The following GPR158 variants were observed in gnomAD, a reference collection of about 807,000 sequenced individuals.
GPR158 encodes the protein metabotropic glycine receptor.
GPR158 carries 30 observed loss-of-function variants against 78.2 expected under a neutral mutation model. The observed-to-expected ratio is 0.38, with a 90% confidence interval of 0.29 to 0.52. The LOEUF is 0.52. GPR158 is among the 20% of genes least tolerant of loss of function. GPR158 has a pLI of 0.83. For synonymous variants in GPR158, 581 were observed against 591.1 expected, an observed-to-expected ratio of 0.98 and a Z score of 0.25; for missense variants, 1,463 against 1,523.5, an observed-to-expected ratio of 0.96 and a Z score of 0.66.
chr10:25,391,770 T>C (rs1834301547), intron 2 of GPR158, among the ~76,000 whole-genome samples: 2 of 152,144 alleles, frequency 1.3e-5, no homozygotes, highest in South Asian at 4.1e-4. Flanking sequence ...AGGCATGATT[T>C]GTTTTGAAAT....
intron 5 of GPR158, among the ~76,000 whole-genome samples, chr10:25,477,908 C>A (rs1215059106): frequency 6.6e-6 from 1 of 152,132 alleles, no homozygotes; most frequent in African/African-American, 2.4e-5. Context: ...TGCCAAGACA[C>A]TTTTTTCTCT....
chr10:25,387,595 A>G (rs1162028189), intron 2 of GPR158, among the ~76,000 whole-genome samples: 1 of 150,726 alleles, frequency 6.6e-6, no homozygotes, highest in Non-Finnish European at 1.5e-5. Flanking sequence ...GGCTCACTGC[A>G]ACCTCCGCCT....
chr10:25,384,596 A>G (rs1208743908), intron 2 of GPR158, among the ~76,000 whole-genome samples: 2 of 152,320 alleles, frequency 1.3e-5, no homozygotes, highest in Non-Finnish European at 2.9e-5. Context: ...GGAATTACAT[A>G]AACTTTATTT....
rs886301433 is a variant in GPR158 at position 25,536,230 on chromosome 10, A to G, written c.1405-14746A>G. ...AATATTTAATTCTTTAATATTAAAG[A>G]TATTAATTTCTTTATTAAAGAAAAT... On this transcript the variant is annotated intron_variant, in intron 5 of 10. Coordinates refer to ENST00000376351, the MANE Select transcript of GPR158 (RefSeq NM_020752.3). 2.0e-5 allele frequency among the ~76,000 whole-genome samples: 3 copies of G among 152,158 alleles called. No homozygotes were observed. In the East Asian group the frequency reaches 5.8e-4, roughly 29 times the overall value.
chr10:25,295,935 C>T (rs143957034), intron 2 of GPR158, among the ~76,000 whole-genome samples: 2 of 151,966 alleles, frequency 1.3e-5, no homozygotes, highest in African/African-American at 4.8e-5. Flanking sequence ...TAAGAAGTAA[C>T]GCCTTAGATC....
intron 2 of GPR158, among the ~76,000 whole-genome samples, chr10:25,349,975 T>C (rs1010361411): frequency 4.4e-4 from 67 of 152,026 alleles, no homozygotes; most frequent in African/African-American, 1.6e-3. Context: ...GAAATGTATC[T>C]GGTGTGCTTT....
intron 8 of GPR158, among the ~76,000 whole-genome samples, chr10:25,590,127 A>G (rs1371566371): frequency 6.6e-6 from 1 of 152,092 alleles, no homozygotes. Flanking sequence ...TAGGATGCCT[A>G]TCCTCTCTGA....
chr10:25,237,301 T>C (rs1853538374), intron 2 of GPR158, among the ~76,000 whole-genome samples: 1 of 152,186 alleles, frequency 6.6e-6, no homozygotes, highest in African/African-American at 2.4e-5. Flanking sequence ...CTGAAAACCT[T>C]CTTGGATGTT....
At chr10:25,265,791 A>T (rs1854037931) in intron 2 of GPR158, among the ~76,000 whole-genome samples, 1 of 152,186 alleles carries the variant, frequency 6.6e-6, no homozygotes, top group Non-Finnish European at 1.5e-5. Context: ...TCAGGCTCTG[A>T]AAACAAAACT....
chr10:25,191,264 G>T (rs141674759), intron 1 of GPR158, among the ~76,000 whole-genome samples: 119 of 152,350 alleles, frequency 7.8e-4, no homozygotes, highest in African/African-American at 2.7e-3. Flanking sequence ...TTATGGGTGA[G>T]GAAAATGAGA....
chr10:25,252,951 C>T (rs1853831298), intron 2 of GPR158, among the ~76,000 whole-genome samples: 1 of 152,220 alleles, frequency 6.6e-6, no homozygotes, highest in Admixed American at 6.5e-5. Flanking sequence ...GACTGCTGTG[C>T]TAGCAATCAG....
At position 25,589,286 on chromosome 10, in the gene GPR158, T is replaced by G. The variant is rs1588926042; in HGVS notation, c.1892+141T>G. The G allele has an allele frequency of 1.1e-5, 6 of 548,040 alleles. No individual in the cohort carries two copies. The East Asian group carries it at 1.7e-4, about 16-fold the overall frequency. The allele number at this position is 548,040 out of a possible 1,614,324, so 33.9% of individuals were successfully genotyped here. A position where few individuals can be genotyped will look rare whatever the true frequency, so the allele number is the denominator to read the frequency against. The stretch of plus-strand genomic sequence containing the variant: ...TAAGTGGACTAATTTCTTTTACAGA[T>G]TTGGAAAATGAATAGTTTGTTTTTA... On this transcript the variant is annotated intron_variant, in intron 8 of 10. Transcript: ENST00000376351.
intron 2 of GPR158, among the ~76,000 whole-genome samples, chr10:25,318,864 A>T (rs577008981): frequency 2.0e-5 from 3 of 152,212 alleles, no homozygotes; most frequent in Non-Finnish European, 4.4e-5. Context: ...TACAATAAAG[A>T]ATGTTATTCC....
chr10:25,201,572 G>T (rs1258261050), intron 1 of GPR158, among the ~76,000 whole-genome samples: 1 of 152,072 alleles, frequency 6.6e-6, no homozygotes, highest in Non-Finnish European at 1.5e-5. Context: ...TCTTTGTCTT[G>T]TTCTCAAGGG....
intron 6 of GPR158, among the ~76,000 whole-genome samples, chr10:25,569,854 T>C (rs1836981136): frequency 6.6e-6 from 1 of 152,214 alleles, no homozygotes; most frequent in Admixed American, 6.5e-5. Context: ...AATTGTAAGT[T>C]TCTAGAGAAA....
At position 25,481,500 on chromosome 10, in the gene GPR158, G is replaced by A. The variant is rs191710869; in HGVS notation, c.1404+14781G>A. ...TGTCAAGGATAACTGGGACCTGTTC[G>A]GTGTATGAGAAAGTTAAACCTATAT... On this transcript the variant is annotated intron_variant, in intron 5 of 10. Coordinates refer to ENST00000376351, the MANE Select transcript of GPR158 (RefSeq NM_020752.3). Among the ~76,000 whole-genome samples, 369 of 152,264 alleles carry A rather than the reference G, an allele frequency of 2.4e-3. 1 individual carries two copies. Among genetic ancestry groups the A allele is most frequent in the African/African-American group, 7.6e-3 (317 of 41,544 alleles).
intron 4 of GPR158, among the ~76,000 whole-genome samples, chr10:25,451,328 C>G (rs988027837): frequency 6.6e-6 from 1 of 152,162 alleles, no homozygotes; most frequent in Non-Finnish European, 1.5e-5. Flanking sequence ...CAGTGATTGA[C>G]AGTATCAGTC....
At chr10:25,244,774 A>G (rs1034794995) in intron 2 of GPR158, 1 of 152,260 alleles carries the variant, frequency 6.6e-6, no homozygotes, top group African/African-American at 2.4e-5. Flanking sequence ...TGATCAATGA[A>G]GAAGTTTTGA....
At chr10:25,338,460 T>A (rs889653365) in intron 2 of GPR158, among the ~76,000 whole-genome samples, 6 of 126,146 alleles carry the variant, frequency 4.8e-5, no homozygotes, top group African/African-American at 2.0e-4. Flanking sequence ...AATATATATA[T>A]TACGTATATT....
Sources: gnomAD v4.1 joint callset for allele counts (sites outside exome capture counted in the v4.1 genomes callset) on GRCh38, gnomAD v4.1.1 for gene constraint, MANE v1.5 for transcripts, NCBI Gene and HGNC (gene_info 2026-07-23, HGNC 2026-07-21) for gene names.